MTBP: variants seen among roughly 807,000 people sequenced by gnomAD.
MTBP encodes the protein mdm2-binding protein.
MTBP carries 101 observed loss-of-function variants against 117.0 expected under a neutral mutation model. The ratio of observed to expected loss-of-function variants is 0.86; its 90% CI spans 0.73 to 1.02. MTBP has a LOEUF of 1.02. Ranked by LOEUF, MTBP falls within the 50% of genes least tolerant of loss-of-function variation. MTBP has a pLI of 0.00. For synonymous variants in MTBP, 350 were observed against 351.5 expected (o/e 1.00, Z 0.05); for missense variants, 970 against 1,030.9 (o/e 0.94, Z 0.81).
chr8:120,462,748 A>G (rs1028478205), intron 9 of MTBP, among the ~76,000 whole-genome samples: 2 of 152,154 alleles, frequency 1.3e-5, no homozygotes, highest in African/African-American at 4.8e-5. Flanking sequence ...TTCCAAGGAA[A>G]GTCGAGGACT....
In MTBP at chr8:120,488,212, G is replaced by A; in HGVS notation, c.1219G>A (p.Gly407Ser). The part of the protein sequence containing the change: ...ECSSYYLLLQ[G>S]NGNRRCKATL... ...TTCTAGCTATTATCTCTTGTTACAA[G>A]GTAATGGCAATAGAAGATGTAAAGC... The change falls in exon 12 of 22, where the codon GGT (glycine) becomes AGT (serine). Residue 407 changes from glycine to serine, a missense_variant. By Grantham distance (56) the Gly-to-Ser change is moderately conservative (BLOSUM62 0). Coordinates refer to ENST00000305949, the MANE Select transcript of MTBP (RefSeq NM_022045.5). The A allele has an allele frequency of 6.3e-7, 1 of 1,595,478 alleles. No homozygotes were observed. Among genetic ancestry groups the A allele is most frequent in the Non-Finnish European group, 8.5e-7 (1 of 1,173,560 alleles).
chr8:120,511,962 C>T (rs535172015), intron 17 of MTBP, among the ~76,000 whole-genome samples: 5 of 152,144 alleles, frequency 3.3e-5, no homozygotes, highest in South Asian at 2.1e-4. Context: ...TTGAGCTCTC[C>T]GCTATTTACT....
intron 14 of MTBP, among the ~76,000 whole-genome samples, chr8:120,499,031 C>CA (rs1331973031): frequency 2.0e-5 from 3 of 152,166 alleles, no homozygotes; most frequent in Non-Finnish European, 4.4e-5. Context: ...AGGATGAACA[C>CA]AATCTACAGT....
intron 2 of MTBP, among the ~76,000 whole-genome samples, chr8:120,447,154 G>T (rs1471359392): frequency 6.6e-6 from 1 of 152,092 alleles, no homozygotes; most frequent in Non-Finnish European, 1.5e-5. Flanking sequence ...AAATGGAGAT[G>T]CCAAAACAGA....
In MTBP at chr8:120,502,475, T is replaced by G. The variant is rs370005172; in HGVS notation, c.1610-17T>G. The G allele has an allele frequency of 2.3e-5, 35 of 1,498,056 alleles. No individual in the cohort carries two copies. The highest frequency in any genetic ancestry group is 3.1e-5 in the Non-Finnish European group (34 of 1,096,520). 92.8% of individuals were successfully genotyped at this position (1,498,056 alleles called of 1,614,324 possible). A position where few individuals can be genotyped will look rare whatever the true frequency, so the allele number is the denominator to read the frequency against. ...TGATAATACTTTTCAGACTTATGTGTATTTCTTTCACTTTAGATTTTAGTC... is the reference window on the plus strand; with the variant it reads ...TGATAATACTTTTCAGACTTATGTGGATTTCTTTCACTTTAGATTTTAGTC... On this transcript the variant is annotated splice_polypyrimidine_tract_variant and intron_variant, in intron 14 of 21. Transcript: ENST00000305949.
intron 19 of MTBP, 114 bp from the exon 20 acceptor site, chr8:120,518,590 G>T: frequency 1.5e-5 from 9 of 619,388 alleles, no homozygotes; most frequent in South Asian, 8.2e-5. Context: ...GAACCTGTCT[G>T]TCTTTTAGCA....
intron 11 of MTBP, chr8:120,473,009 C>G (rs1016064338): frequency 2.0e-5 from 3 of 152,054 alleles, no homozygotes; most frequent in Admixed American, 6.6e-5. Flanking sequence ...GGTTCCAGGA[C>G]CCCTGTGGAT....
intron 8 of MTBP, among the ~76,000 whole-genome samples, chr8:120,459,608 A>G (rs185425207): frequency 6.6e-6 from 1 of 152,292 alleles, no homozygotes; most frequent in African/African-American, 2.4e-5. Context: ...TTTGGACTTT[A>G]CTATGTGACC....
intron 13 of MTBP, among the ~76,000 whole-genome samples, chr8:120,494,594 C>T (rs1814414022): frequency 6.6e-6 from 1 of 152,186 alleles, no homozygotes; most frequent in Non-Finnish European, 1.5e-5. Context: ...ATTATCTTAA[C>T]ATCTAACTAT....
intron 11 of MTBP, among the ~76,000 whole-genome samples, chr8:120,485,104 T>C (rs561744030): frequency 4.5e-4 from 69 of 152,346 alleles, no homozygotes; most frequent in Non-Finnish European, 8.1e-4. Flanking sequence ...TAGGCTATTA[T>C]GAATAATGCT....
At position 120,455,529 on chromosome 8, in the gene MTBP, G is replaced by C; in HGVS notation, c.579G>C (p.Leu193Phe). 6.2e-7 allele frequency: 1 copy of C among 1,609,744 alleles called. No individual in the cohort carries two copies. Among genetic ancestry groups the C allele is most frequent in the African/African-American group, 1.3e-5 (1 of 74,948 alleles). ...YLPTVGALKH[L>F]REWYSAKITI... ...CTACTGTAGGAGCATTAAAACATTT[G>C]AGAGAATGGTATTCAGCAAAGATCA... is the stretch of plus-strand genomic sequence containing the variant. The change falls in exon 6 of 22, where the codon TTG becomes TTC. Residue 193 changes from leucine to phenylalanine, a missense_variant. By Grantham distance (22) the Leu-to-Phe change is conservative. Transcript: ENST00000305949.
chr8:120,516,092 G>A lies in MTBP; in HGVS notation c.2147G>A (p.Ser716Asn). The A allele has an allele frequency of 6.2e-7, 1 of 1,613,080 alleles. No homozygotes were observed. The highest frequency in any genetic ancestry group is 1.7e-5 in the Admixed American group (1 of 59,934). Reference sequence around the variant, plus strand: ...CCTGTAGTTTCGTCAGATCCTGGAAGTGTCCCTGACGGAGAAGTTTTACAA... The same window carrying A: ...CCTGTAGTTTCGTCAGATCCTGGAAATGTCCCTGACGGAGAAGTTTTACAA... ...PSPVVSSDPG[S>N]VPDGEVLQNE... The change falls in exon 18 of 22, where the codon AGT (serine) becomes AAT (asparagine). Residue 716 changes from serine (S) to asparagine (N), a missense_variant. Ser to Asn is a conservative substitution (Grantham distance 46). Transcript: ENST00000305949.
intron 11 of MTBP, among the ~76,000 whole-genome samples, chr8:120,484,219 CTG>C (rs1210053139): frequency 2.6e-5 from 4 of 152,118 alleles, no homozygotes; most frequent in East Asian, 3.9e-4. Context: ...ATTAAGGTCA[CTG>C]TATCTTTTGG....
chr8:120,461,502 C>A (rs1179739744), intron 9 of MTBP, among the ~76,000 whole-genome samples: 1 of 152,040 alleles, frequency 6.6e-6, no homozygotes, highest in Non-Finnish European at 1.5e-5. Flanking sequence ...ATGCAAGCAT[C>A]TTTATTTTTG....
At chr8:120,495,478 A>G (rs1814432675) in intron 13 of MTBP, among the ~76,000 whole-genome samples, 1 of 152,102 alleles carries the variant, frequency 6.6e-6, no homozygotes, top group Non-Finnish European at 1.5e-5. Flanking sequence ...GGCAATTTAA[A>G]TGGGAGAGTC....
At chr8:120,493,824 A>T (rs756678113) in intron 13 of MTBP, among the ~76,000 whole-genome samples, 1 of 152,158 alleles carries the variant, frequency 6.6e-6, no homozygotes, top group Non-Finnish European at 1.5e-5. Context: ...TAATAAAAAC[A>T]TAGGGGCTAA....
At chr8:120,496,300 A>G (rs893844656) in intron 13 of MTBP, among the ~76,000 whole-genome samples, 70 of 152,312 alleles carry the variant, frequency 4.6e-4, no homozygotes, top group African/African-American at 1.6e-3. Flanking sequence ...TAACTGAATC[A>G]AATCTTTGCA....
At chr8:120,510,311 A>G (rs557330991) in intron 17 of MTBP, among the ~76,000 whole-genome samples, 1 of 152,294 alleles carries the variant, frequency 6.6e-6, no homozygotes, top group Admixed American at 6.5e-5. Context: ...TATTCACACT[A>G]TGGGTCACAT....
chr8:120,480,853 A>G lies in MTBP; in HGVS notation c.1166-7306A>G, dbSNP rs183118325. Among the ~76,000 whole-genome samples, 568 of 152,334 alleles carry G rather than the reference A, an allele frequency of 3.7e-3. 6 individuals are homozygous for G. The highest frequency in any genetic ancestry group is 0.013 in the African/African-American group (535 of 41,588). ...AAAACAAATTTATAAAGTAGAATTC[A>G]CCAAGGTTCAAAATGCTTACTTTTT... On this transcript the variant is annotated intron_variant, in intron 11 of 21. Transcript: ENST00000305949.
Sources: allele counts gnomAD v4.1 joint callset (sites outside exome capture counted in the v4.1 genomes callset), GRCh38; gene constraint gnomAD v4.1.1; transcripts MANE v1.5; gene names NCBI Gene and HGNC (gene_info 2026-07-23, HGNC 2026-07-21).